The following PTPRK variants were observed in gnomAD, a reference collection of about 807,000 sequenced individuals.
PTPRK encodes the protein receptor-type tyrosine-protein phosphatase kappa.
In PTPRK, 75 loss-of-function variants were observed where a neutral mutation model predicts 178.0. The ratio of observed to expected loss-of-function variants is 0.42; its 90% CI spans 0.35 to 0.51. The LOEUF (loss-of-function observed/expected upper bound fraction) is 0.51. Ranked by LOEUF, PTPRK falls within the 20% of genes least tolerant of loss-of-function variation. The pLI, the probability that PTPRK is intolerant of heterozygous loss-of-function variation, is 0.02. For missense variants in PTPRK, 1,441 were observed against 1,797.8 expected, an observed-to-expected ratio of 0.80 and a Z score of 3.59; for synonymous variants, 637 against 620.6, an observed-to-expected ratio of 1.03 and a Z score of -0.39.
intron 6 of PTPRK, among the ~76,000 whole-genome samples, chr6:128,190,783 G>C (rs1414287781): frequency 6.6e-6 from 1 of 152,144 alleles, no homozygotes; most frequent in Non-Finnish European, 1.5e-5. Flanking sequence ...ACAGTTGTGA[G>C]CCACCAGGCC....
intron 3 of PTPRK, among the ~76,000 whole-genome samples, chr6:128,271,380 C>A (rs925994813): frequency 1.3e-5 from 2 of 152,060 alleles, no homozygotes; most frequent in Non-Finnish European, 1.5e-5. Context: ...ACATGGTCCT[C>A]CTTGGTTCTT....
intron 3 of PTPRK, among the ~76,000 whole-genome samples, chr6:128,298,953 T>C (rs568638265): frequency 3.9e-5 from 6 of 152,308 alleles, no homozygotes; most frequent in South Asian, 2.1e-4. Flanking sequence ...GACGACATGA[T>C]TGTATACCTA....
intron 6 of PTPRK, among the ~76,000 whole-genome samples, chr6:128,201,753 A>C (rs1806001356): frequency 6.6e-6 from 1 of 152,072 alleles, no homozygotes; most frequent in Admixed American, 6.5e-5. Flanking sequence ...ATTAAATAAA[A>C]TGGTAGGTAA....
chr6:128,495,384 A>G (rs899372632), intron 1 of PTPRK, among the ~76,000 whole-genome samples: 1 of 152,224 alleles, frequency 6.6e-6, no homozygotes, highest in Non-Finnish European at 1.5e-5. Context: ...GTTGCCTAAA[A>G]AAGGAATTAT....
chr6:128,208,050 A>G (rs1469809814), intron 6 of PTPRK, among the ~76,000 whole-genome samples: 1 of 152,014 alleles, frequency 6.6e-6, no homozygotes, highest in East Asian at 1.9e-4. Context: ...TCTACCATCC[A>G]TGTTGAATTC....
At chr6:128,228,672 A>C (rs1310875789) in intron 5 of PTPRK, among the ~76,000 whole-genome samples, 3 of 150,648 alleles carry the variant, frequency 2.0e-5, no homozygotes, top group Non-Finnish European at 4.4e-5. Context: ...AAAAAAAAAA[A>C]AGCAAAAACA....
At chr6:128,380,136 A>G (rs1837665648) in intron 2 of PTPRK, among the ~76,000 whole-genome samples, 1 of 152,144 alleles carries the variant, frequency 6.6e-6, no homozygotes, top group African/African-American at 2.4e-5. Flanking sequence ...GGGACATAAA[A>G]AAGATGTGTT....
chr6:128,029,638 AAAT>A (rs55955361), intron 13 of PTPRK, among the ~76,000 whole-genome samples: 49,337 of 136,818 alleles, frequency 0.36, 9,225 homozygotes, highest in African/African-American at 0.46. Context: ...TTCCATCTCA[AAAT>A]AATAATAATA....
chr6:128,478,186 G>A (rs1374616631), intron 1 of PTPRK, among the ~76,000 whole-genome samples: 1 of 152,110 alleles, frequency 6.6e-6, no homozygotes, highest in Non-Finnish European at 1.5e-5. Flanking sequence ...AAAAATTGAT[G>A]TGATTTTGCT....
In PTPRK at chr6:128,393,403, T is replaced by TA. The variant is rs576941887; in HGVS notation, c.223+4162dup. Among the ~76,000 whole-genome samples, 224 of 152,232 alleles carry TA rather than the reference T, an allele frequency of 1.5e-3. 3 individuals carry two copies. Among genetic ancestry groups the TA allele is most frequent in the African/African-American group, 5.1e-3 (210 of 41,546 alleles). On this transcript the variant is annotated intron_variant, in intron 2 of 29. Transcript: ENST00000368226. The stretch of plus-strand genomic sequence containing the variant: ...CACGCCCGGCTGTTCATAAGGACCT[T>TA]ATAGTCTAATGGACAGAAGGACATA...
At chr6:128,060,357 C>T (rs1582788677) in intron 13 of PTPRK, among the ~76,000 whole-genome samples, 1 of 152,142 alleles carries the variant, frequency 6.6e-6, no homozygotes, top group Admixed American at 6.6e-5. Context: ...AAACATGGTA[C>T]ATTCTTATGC....
chr6:128,039,731 G>A (rs1776846721), intron 13 of PTPRK, among the ~76,000 whole-genome samples: 1 of 152,152 alleles, frequency 6.6e-6, no homozygotes, highest in Non-Finnish European at 1.5e-5. Context: ...ACACAGATGT[G>A]GCCAATGTCT....
At chr6:128,010,648 T>C (rs961692099) in intron 13 of PTPRK, among the ~76,000 whole-genome samples, 2 of 151,438 alleles carry the variant, frequency 1.3e-5, no homozygotes, top group Admixed American at 6.6e-5. Flanking sequence ...AATATCATTA[T>C]ATAAAATGGT....
chr6:128,350,583 T>A (rs2128336774), intron 2 of PTPRK, among the ~76,000 whole-genome samples: 1 of 152,324 alleles, frequency 6.6e-6, no homozygotes, highest in African/African-American at 2.4e-5. Context: ...CAGAAATGTT[T>A]TGTTTGACAT....
chr6:128,045,742 A>C (rs965756667), intron 13 of PTPRK, among the ~76,000 whole-genome samples: 3 of 152,132 alleles, frequency 2.0e-5, no homozygotes, highest in Admixed American at 2.0e-4. Flanking sequence ...AGATTAATAC[A>C]TATCTTTTAA....
intron 7 of PTPRK, among the ~76,000 whole-genome samples, chr6:128,146,796 T>C (rs1796565104): frequency 6.6e-6 from 1 of 152,140 alleles, no homozygotes; most frequent in African/African-American, 2.4e-5. Context: ...TTATTTGCAT[T>C]CTAATCTGCA....
At chr6:128,467,283 T>C (rs1285206673) in intron 1 of PTPRK, among the ~76,000 whole-genome samples, 1 of 152,172 alleles carries the variant, frequency 6.6e-6, no homozygotes, top group East Asian at 1.9e-4. Flanking sequence ...TGGACTGGCC[T>C]AGTGCAGTGT....
intron 3 of PTPRK, among the ~76,000 whole-genome samples, chr6:128,267,979 C>T (rs1346799640): frequency 6.6e-6 from 1 of 151,966 alleles, no homozygotes; most frequent in Non-Finnish European, 1.5e-5. Context: ...AGAAAATGTA[C>T]AGTTCAGCTA....
chr6:128,482,649 T>A (rs1852245952), intron 1 of PTPRK, among the ~76,000 whole-genome samples: 3 of 152,290 alleles, frequency 2.0e-5, no homozygotes, highest in Middle Eastern at 6.8e-3. Context: ...AAGCCACCCA[T>A]GTACCACTTC....
Sources: gnomAD v4.1 joint callset for allele counts (sites outside exome capture counted in the v4.1 genomes callset) on GRCh38, gnomAD v4.1.1 for gene constraint, MANE v1.5 for transcripts, NCBI Gene and HGNC (gene_info 2026-07-23, HGNC 2026-07-21) for gene names.